VGLL4: variants seen among roughly 807,000 people sequenced by gnomAD.
VGLL4 encodes the protein transcription cofactor vestigial-like protein 4.
A neutral mutation model predicts 21.0 loss-of-function variants in VGLL4; 7 were observed. The ratio of observed to expected loss-of-function variants is 0.33; its 90% confidence interval spans 0.19 to 0.63. VGLL4 has a LOEUF of 0.63. Ranked by LOEUF, VGLL4 falls within the 20% of genes least tolerant of loss-of-function variation. VGLL4 has a pLI of 0.78. For missense variants in VGLL4, 394 were observed against 425.7 expected, an observed-to-expected ratio of 0.93 and a Z score of 0.66; for synonymous variants, 222 against 173.2, an observed-to-expected ratio of 1.28 and a Z score of -2.21.
chr3:11,666,580 C>T (rs932985300), intron 2 of VGLL4, among the ~76,000 whole-genome samples: 10 of 152,198 alleles, frequency 6.6e-5, no homozygotes, highest in Admixed American at 5.2e-4. Context: ...GCAGAACAAA[C>T]AGAATTTGCT....
intron 2 of VGLL4, among the ~76,000 whole-genome samples, chr3:11,574,785 A>ATATG (rs1305114995): frequency 9.9e-5 from 12 of 121,780 alleles, no homozygotes; most frequent in South Asian, 6.6e-4. Flanking sequence ...TCAACTATAT[A>ATATG]TGTGTGTGTG....
chr3:11,567,667 C>T (rs762147497), intron 2 of VGLL4, among the ~76,000 whole-genome samples: 1 of 152,164 alleles, frequency 6.6e-6, no homozygotes, highest in Non-Finnish European at 1.5e-5. Flanking sequence ...TCCCAGACAC[C>T]GATGTCACCA....
chr3:11,582,190 G>C, intron 2 of VGLL4: 1 of 1,398,024 alleles, frequency 7.2e-7, no homozygotes, highest in East Asian at 2.5e-5. Context: ...TTGCTGTCTC[G>C]CAGTTTAAAT....
chr3:11,603,485 T>C (rs2074855258), intron 1 of VGLL4, among the ~76,000 whole-genome samples: 1 of 152,210 alleles, frequency 6.6e-6, no homozygotes. Flanking sequence ...TCTTTATACC[T>C]TCATAAATTA....
At chr3:11,684,693 T>G (rs2076419974) in intron 2 of VGLL4, among the ~76,000 whole-genome samples, 1 of 151,768 alleles carries the variant, frequency 6.6e-6, no homozygotes, top group Non-Finnish European at 1.5e-5. Flanking sequence ...TAACATAACT[T>G]TCTTCCAAAT....
intron 2 of VGLL4, chr3:11,671,143 G>A: frequency 8.5e-7 from 1 of 1,177,464 alleles, no homozygotes; most frequent in Non-Finnish European, 1.2e-6. Context: ...TTTTCATGAA[G>A]TAATGAGGCT....
intron 2 of VGLL4, among the ~76,000 whole-genome samples, chr3:11,674,706 G>A (rs1252915637): frequency 1.3e-5 from 2 of 152,188 alleles, no homozygotes; most frequent in African/African-American, 2.4e-5. Flanking sequence ...AAAGAGGACA[G>A]ACACAAGAAA....
At chr3:11,616,161 C>T (rs541734694) in intron 1 of VGLL4, among the ~76,000 whole-genome samples, 56 of 152,212 alleles carry the variant, frequency 3.7e-4, no homozygotes, top group African/African-American at 1.3e-3. Flanking sequence ...CCCTCAGACT[C>T]CACTGCTCCT....
intron 2 of VGLL4, among the ~76,000 whole-genome samples, chr3:11,574,785 ATGTGTG>A (rs375691226): frequency 0.039 from 4,786 of 121,712 alleles, 98 homozygotes; most frequent in Middle Eastern, 0.053. Flanking sequence ...TCAACTATAT[ATGTGTG>A]TGTGTGTGTG....
chr3:11,703,145 C>G, intron 1 of VGLL4: 1 of 1,004,888 alleles, frequency 1.0e-6, no homozygotes, highest in East Asian at 3.1e-5. Context: ...CAACCAAATG[C>G]AAATCATTCT....
At chr3:11,587,767 T>A (rs186111058) in intron 2 of VGLL4, among the ~76,000 whole-genome samples, 87 of 152,332 alleles carry the variant, frequency 5.7e-4, no homozygotes, top group Non-Finnish European at 1.0e-3. Flanking sequence ...CCTCACTTTA[T>A]GTTCACACTT....
Position 11,558,518 on chromosome 3 carries a change from C to G in VGLL4, c.*38G>C. On this transcript the variant is annotated 3_prime_UTR_variant, in exon 5 of 5. Transcript: ENST00000430365. ...ACTGACTGTTCAAAGCTCAGGCAAACCATGCAGATCCACGTGTTGTTGGAG... is the reference window on the plus strand; with the variant it reads ...ACTGACTGTTCAAAGCTCAGGCAAAGCATGCAGATCCACGTGTTGTTGGAG... The G allele has an allele frequency of 4.4e-6, 6 of 1,364,608 alleles. No individual in the cohort carries two copies. Among genetic ancestry groups the G allele is most frequent in the Non-Finnish European group, 5.8e-6 (6 of 1,030,260 alleles). 84.5% of individuals were successfully genotyped at this position (1,364,608 alleles called of 1,614,324 possible).
chr3:11,716,884 C>T (rs2076925890), intron 1 of VGLL4, among the ~76,000 whole-genome samples: 1 of 151,902 alleles, frequency 6.6e-6, no homozygotes, highest in Non-Finnish European at 1.5e-5. Context: ...AAACACCCAC[C>T]CATAGCTTCA....
At chr3:11,585,753 C>T (rs1484561141) in intron 2 of VGLL4, among the ~76,000 whole-genome samples, 1 of 152,212 alleles carries the variant, frequency 6.6e-6, no homozygotes, top group East Asian at 1.9e-4. Context: ...CCATGTATCT[C>T]GCCATCTTGC....
intron 2 of VGLL4, among the ~76,000 whole-genome samples, chr3:11,674,609 T>G (rs1228602495): frequency 6.6e-6 from 1 of 152,028 alleles, no homozygotes; most frequent in Non-Finnish European, 1.5e-5. Context: ...CTTTTACACC[T>G]ACACACGTGT....
In VGLL4 at chr3:11,558,062, C is replaced by A; in HGVS notation, c.*494G>T. 6.3e-6 allele frequency: 1 copy of A among 159,640 alleles called. No homozygotes were observed. The highest frequency in any genetic ancestry group is 1.4e-5 in the Non-Finnish European group (1 of 72,320). The allele number at this position is 159,640 out of a possible 1,614,324, so 9.9% of individuals were successfully genotyped here. On this transcript the variant is annotated 3_prime_UTR_variant, in exon 5 of 5. Transcript: ENST00000430365. ...ATAAAGTTGTCAGGCAACTTTAGTC[C>A]TCCTCCAATAGTGCAAATCAGACAC...
chr3:11,560,724 A>G (rs1380349353), intron 3 of VGLL4, among the ~76,000 whole-genome samples: 2 of 152,194 alleles, frequency 1.3e-5, no homozygotes, highest in Non-Finnish European at 2.9e-5. Context: ...AGACCAACCA[A>G]GAATTCAGGG....
At position 11,682,606 on chromosome 3, in the gene VGLL4, T is replaced by C. The variant is rs141778422; in HGVS notation, c.64+20365A>G. ...AAGAATATAACTTTCTCTGATGCTA[T>C]TGAAATGCCTCCTTTCAATAGCGAT... On this transcript the variant is annotated intron_variant, in intron 2 of 5. Coordinates refer to the VGLL4 transcript ENST00000273038. Among the ~76,000 whole-genome samples, 19 of 152,170 alleles carry C rather than the reference T, an allele frequency of 1.2e-4. No individual in the cohort carries two copies. The East Asian group carries it at 2.7e-3, about 22-fold the overall frequency.
chr3:11,559,524 C>T lies in VGLL4; in HGVS notation c.496-69G>A. On this transcript the variant is annotated intron_variant, in intron 3 of 4. Coordinates refer to ENST00000430365, the MANE Select transcript of VGLL4 (RefSeq NM_001128219.3). ...ACCGGGCACCACCCCTGGGGCCCTC[C>T]CCAGCACCCTTCAGGCTCTGTCCTG... The T allele has an allele frequency of 1.4e-6, 2 of 1,463,630 alleles. 1 individual carries two copies. The highest frequency in any genetic ancestry group is 2.8e-5 in the South Asian group (2 of 70,314). The allele number at this position is 1,463,630 out of a possible 1,614,324, so 90.7% of individuals were successfully genotyped here.
Sources: gnomAD v4.1 joint callset for allele counts (sites outside exome capture counted in the v4.1 genomes callset) on GRCh38, gnomAD v4.1.1 for gene constraint, MANE v1.5 for transcripts, NCBI Gene and HGNC (gene_info 2026-07-23, HGNC 2026-07-21) for gene names.